ITGAL: variants seen among roughly 807,000 people sequenced by gnomAD.
ITGAL encodes integrin subunit alpha L.
A neutral mutation model predicts 138.4 loss-of-function variants in ITGAL; 68 were observed. That is an observed-to-expected ratio of 0.49 (90% CI 0.40 to 0.60). ITGAL has a LOEUF of 0.60. Ranked by LOEUF, ITGAL falls within the 20% of genes least tolerant of loss-of-function variation. ITGAL has a pLI of 0.00. For synonymous variants in ITGAL, 561 were observed against 584.3 expected (o/e 0.96, Z 0.57); for missense variants, 1,256 against 1,478.6 (o/e 0.85, Z 2.47).
intron 4 of ITGAL, among the ~76,000 whole-genome samples, chr16:30,476,175 C>T (rs367602308): frequency 6.0e-5 from 9 of 151,170 alleles, no homozygotes; most frequent in Admixed American, 3.3e-4. Context: ...GGTGTGAACC[C>T]GGGAGGCGGA....
chr16:30,513,485 G>A (rs1156994543), intron 24 of ITGAL, among the ~76,000 whole-genome samples: 3 of 152,210 alleles, frequency 2.0e-5, no homozygotes, highest in East Asian at 1.9e-4. Context: ...GCAGGGCCCA[G>A]AGGACAGTGG....
At chr16:30,507,491 C>T (rs1401432467) in intron 21 of ITGAL, among the ~76,000 whole-genome samples, 1 of 145,522 alleles carries the variant, frequency 6.9e-6, no homozygotes, top group East Asian at 2.0e-4. Flanking sequence ...AAAAAAAAAA[C>T]CCACAAAAAT....
intron 4 of ITGAL, among the ~76,000 whole-genome samples, 154 bp downstream of exon 4, chr16:30,475,734 C>CTTTTTT (rs35994365): frequency 4.9e-5 from 4 of 81,308 alleles, no homozygotes; most frequent in Non-Finnish European, 9.7e-5. Context: ...ATGAACCAGC[C>CTTTTTT]TTTTTTTTTT....
intron 15 of ITGAL, among the ~76,000 whole-genome samples, chr16:30,497,241 G>A (rs1465812904): frequency 6.6e-6 from 1 of 151,726 alleles, no homozygotes; most frequent in Non-Finnish European, 1.5e-5. Flanking sequence ...TACTCGGGAG[G>A]CTGAGGCAGG....
chr16:30,521,263 C>T lies in ITGAL; in HGVS notation c.3340-229C>T, dbSNP rs772929462. On this transcript the variant is annotated intron_variant, in intron 30 of 30. Coordinates refer to ENST00000356798, the MANE Select transcript of ITGAL (RefSeq NM_002209.3). ...CTCTACTAAAAATACAAAAATTAGC[C>T]GGGCGTGGTGGCAGATGCCTGTAAT... 4.0e-5 allele frequency among the ~76,000 whole-genome samples: 6 copies of T among 150,044 alleles called. 1 individual carries two copies. Among genetic ancestry groups the T allele is most frequent in the South Asian group, 4.2e-4 (2 of 4,746 alleles).
At chr16:30,497,993 C>T (rs2050827675) in intron 15 of ITGAL, among the ~76,000 whole-genome samples, 1 of 151,510 alleles carries the variant, frequency 6.6e-6, no homozygotes, top group South Asian at 2.1e-4. Context: ...GCCTGTAATC[C>T]AGCACTTTGG....
chr16:30,505,195 C>A, intron 18 of ITGAL, 49 bp from the exon 19 acceptor site: 2 of 1,501,326 alleles, frequency 1.3e-6, no homozygotes, highest in South Asian at 2.6e-5. Flanking sequence ...AGGTCTGCTG[C>A]CTCAGTTAAT....
At chr16:30,516,909 G>C in intron 25 of ITGAL, 64 bp from the exon 26 acceptor site, 1 of 1,139,588 alleles carries the variant, frequency 8.8e-7, no homozygotes, top group East Asian at 2.4e-5. Context: ...AGGGCACACA[G>C]GGTCTGGGGG....
chr16:30,518,767 C>T, intron 29 of ITGAL, 48 bp downstream of exon 29: 1 of 1,378,234 alleles, frequency 7.3e-7, no homozygotes, highest in Non-Finnish European at 1.0e-6. Flanking sequence ...CAGAGGGAGC[C>T]CAGGAGCCCC....
At chr16:30,510,309 G>A in intron 21 of ITGAL, 52 bp from the exon 22 acceptor site, 1 of 1,077,590 alleles carries the variant, frequency 9.3e-7, no homozygotes, top group Non-Finnish European at 1.4e-6. Context: ...TGGCCTCTGG[G>A]GGAAACTTGG....
At chr16:30,508,805 G>C (rs2051044454) in intron 21 of ITGAL, among the ~76,000 whole-genome samples, 1 of 152,072 alleles carries the variant, frequency 6.6e-6, no homozygotes, top group African/African-American at 2.4e-5. Flanking sequence ...GCTGCAGTGA[G>C]CTATGATTAC....
At chr16:30,500,306 G>T (rs1369430442) in intron 17 of ITGAL, among the ~76,000 whole-genome samples, 1 of 150,662 alleles carries the variant, frequency 6.6e-6, no homozygotes, top group Non-Finnish European at 1.5e-5. Context: ...GGCTGGTCTC[G>T]AACTCCTGAC....
Position 30,505,228 on chromosome 16 carries a change from A to G in ITGAL, c.2236-16A>G. ...AATCTCTCCTCTCTCCATCCTGCCC[A>G]CTACCCCTCGCTCAGCAGGGCAAGG... On this transcript the variant is annotated splice_polypyrimidine_tract_variant and intron_variant, in intron 18 of 30. Transcript: ENST00000356798. 6.3e-7 allele frequency: 1 copy of G among 1,582,096 alleles called. No individual in the cohort carries two copies.
At chr16:30,496,785 G>A (rs2050806965) in intron 15 of ITGAL, among the ~76,000 whole-genome samples, 1 of 149,894 alleles carries the variant, frequency 6.7e-6, no homozygotes, top group Non-Finnish European at 1.5e-5. Context: ...GAGACTACAG[G>A]TGCTCGCCAC....
Position 30,510,892 on chromosome 16 carries a change from G to A in ITGAL, c.2631G>A (p.Gln877=), listed in dbSNP as rs749085220. 1.2e-6 allele frequency: 2 copies of A among 1,614,036 alleles called. No homozygotes were observed. The highest frequency in any genetic ancestry group is 1.7e-6 in the Non-Finnish European group (2 of 1,179,982). The stretch of plus-strand genomic sequence containing the variant: ...TCCTTTCCTGCCAGGTTGCTCTGCA[G>A]ATGATGTTTAATACACTGGTAAACA... ...IFKAGHSVAL[Q]MMFNTLVNSS... Residue 877 remains glutamine (Q), a synonymous_variant, in exon 23 of 31, where the codon CAG becomes CAA. Coordinates refer to ENST00000356798, the MANE Select transcript of ITGAL (RefSeq NM_002209.3).
intron 4 of ITGAL, chr16:30,477,316 C>T (rs796106158): frequency 2.5e-4 from 38 of 152,158 alleles, no homozygotes; most frequent in African/African-American, 8.9e-4. Context: ...CTTTGGGAAG[C>T]CAAAGCTGGA....
In ITGAL at chr16:30,518,733, C is replaced by A. The variant is rs768689164; in HGVS notation, c.3228+14C>A. 3.8e-6 allele frequency: 6 copies of A among 1,588,244 alleles called. No homozygotes were observed. Among genetic ancestry groups the A allele is most frequent in the Middle Eastern group, 1.7e-4 (1 of 6,026 alleles). Reference sequence around the variant, plus strand: ...TCCCTGGCCCAGGTATCTCCACCTCCTTGGAAGCCCCAGGAACAGGCAACA... The same window carrying A: ...TCCCTGGCCCAGGTATCTCCACCTCATTGGAAGCCCCAGGAACAGGCAACA... On this transcript the variant is annotated intron_variant, in intron 29 of 30. Transcript: ENST00000356798.
chr16:30,496,808 ATT>A (rs11432747), intron 15 of ITGAL, among the ~76,000 whole-genome samples: 7 of 137,832 alleles, frequency 5.1e-5, no homozygotes, highest in Non-Finnish European at 4.7e-5. Flanking sequence ...CACCTGGCTA[ATT>A]TTTTTTTTTT....
chr16:30,489,620 G>C (rs968944399), intron 11 of ITGAL, among the ~76,000 whole-genome samples: 1 of 152,174 alleles, frequency 6.6e-6, no homozygotes, highest in African/African-American at 2.4e-5. Flanking sequence ...AATTCCTAGA[G>C]ATAGTAAACA....
Sources: gnomAD v4.1 joint callset for allele counts (sites outside exome capture counted in the v4.1 genomes callset) on GRCh38, gnomAD v4.1.1 for gene constraint, MANE v1.5 for transcripts, NCBI Gene and HGNC (gene_info 2026-07-23, HGNC 2026-07-21) for gene names.